NOX4: variants seen among roughly 807,000 people sequenced by gnomAD.
The protein encoded by NOX4 is kidney oxidase-1.
NOX4 carries 69 observed loss-of-function variants against 87.6 expected under a neutral mutation model. That is an observed-to-expected ratio of 0.79 (90% CI 0.65 to 0.96). The LOEUF (loss-of-function observed/expected upper bound fraction) is 0.96. NOX4 is among the 40% of genes least tolerant of loss of function. NOX4 has a pLI of 0.00. For synonymous variants in NOX4, 275 were observed against 238.2 expected (o/e 1.15, Z -1.42); for missense variants, 680 against 681.5 (o/e 1.00, Z 0.02).
intron 11 of NOX4, among the ~76,000 whole-genome samples, chr11:89,399,735 G>C (rs1941713523): frequency 6.6e-6 from 1 of 151,430 alleles, no homozygotes; most frequent in Non-Finnish European, 1.5e-5. Flanking sequence ...AAAGTGCTGG[G>C]ATTACAGGCC....
intron 6 of NOX4, among the ~76,000 whole-genome samples, chr11:89,434,896 G>A (rs972454355): frequency 1.3e-5 from 2 of 152,020 alleles, no homozygotes; most frequent in African/African-American, 4.8e-5. Context: ...ATGATTCCTT[G>A]TATATAACAT....
At chr11:89,445,425 G>A (rs1006525160) in intron 4 of NOX4, among the ~76,000 whole-genome samples, 1 of 152,006 alleles carries the variant, frequency 6.6e-6, no homozygotes, top group Non-Finnish European at 1.5e-5. Flanking sequence ...GATTTATAAG[G>A]TCCTTCAAGT....
At chr11:89,461,193 G>T (rs1200728673) in intron 2 of NOX4, among the ~76,000 whole-genome samples, 1 of 151,922 alleles carries the variant, frequency 6.6e-6, no homozygotes, top group Non-Finnish European at 1.5e-5. Flanking sequence ...AGCATTAGGA[G>T]ATATACCTAA....
intron 14 of NOX4, 87 bp from the exon 15 acceptor site, chr11:89,340,258 T>C (rs531273612): frequency 1.2e-6 from 1 of 845,104 alleles, no homozygotes; most frequent in African/African-American, 1.7e-5. Flanking sequence ...TTCCTTTTCA[T>C]TAGTAAGCAA....
chr11:89,565,645 T>G, the NOX4 span, among the ~76,000 whole-genome samples: 1 of 151,936 alleles, frequency 6.6e-6, no homozygotes, highest in African/African-American at 2.4e-5. Flanking sequence ...ATAAGAAAAA[T>G]TTTTGCACCA....
intron 15 of NOX4, among the ~76,000 whole-genome samples, chr11:89,338,026 G>A (rs568568813): frequency 4.5e-4 from 68 of 151,918 alleles, no homozygotes; most frequent in African/African-American, 1.6e-3. Flanking sequence ...AAAAATGCAC[G>A]AGGCAAAAAT....
chr11:89,429,118 A>T (rs979368867), intron 7 of NOX4, among the ~76,000 whole-genome samples: 1 of 152,242 alleles, frequency 6.6e-6, no homozygotes, highest in Non-Finnish European at 1.5e-5. Flanking sequence ...TACTGGGTAC[A>T]TAACAAAATG....
At chr11:89,469,819 C>T (rs970897185) in intron 2 of NOX4, among the ~76,000 whole-genome samples, 1 of 152,124 alleles carries the variant, frequency 6.6e-6, no homozygotes, top group Non-Finnish European at 1.5e-5. Context: ...TAAATCTTGA[C>T]AAAGGCTTCT....
the NOX4 span, among the ~76,000 whole-genome samples, chr11:89,517,435 C>T: frequency 2.6e-5 from 4 of 151,922 alleles, no homozygotes; most frequent in African/African-American, 4.8e-5. Context: ...GCACCCTGTA[C>T]CCTTTGTTAA....
chr11:89,475,212 C>G (rs940571132), intron 2 of NOX4, among the ~76,000 whole-genome samples: 7 of 151,806 alleles, frequency 4.6e-5, no homozygotes, highest in African/African-American at 1.5e-4. Context: ...GGACATGCAC[C>G]AAAATGTTAA....
the NOX4 span, among the ~76,000 whole-genome samples, chr11:89,508,734 T>C: frequency 3.7e-4 from 56 of 152,188 alleles, 1 homozygote; most frequent in African/African-American, 1.3e-3. Flanking sequence ...CTGTTCTCAA[T>C]GCTGTGTTAC....
the NOX4 span, among the ~76,000 whole-genome samples, chr11:89,505,687 T>A: frequency 6.6e-6 from 1 of 151,816 alleles, no homozygotes; most frequent in Non-Finnish European, 1.5e-5. Context: ...AAAACAGGAA[T>A]CTTAGAGCTG....
the NOX4 span, among the ~76,000 whole-genome samples, chr11:89,572,272 T>C: frequency 6.6e-6 from 1 of 152,256 alleles, no homozygotes; most frequent in Non-Finnish European, 1.5e-5. Context: ...CAACCTCATA[T>C]TCAGATCTGC....
chr11:89,347,556 G>A (rs1946270845), intron 13 of NOX4, among the ~76,000 whole-genome samples: 1 of 152,170 alleles, frequency 6.6e-6, no homozygotes. Flanking sequence ...ATCATCATTT[G>A]TAATACAGAA....
At chr11:89,467,019 G>C (rs1181538694) in intron 2 of NOX4, among the ~76,000 whole-genome samples, 5 of 152,052 alleles carry the variant, frequency 3.3e-5, no homozygotes, top group Non-Finnish European at 7.4e-5. Context: ...GAAGCTAATT[G>C]GGGGGAGCTC....
the NOX4 span, among the ~76,000 whole-genome samples, chr11:89,510,016 A>G: frequency 6.6e-6 from 1 of 152,058 alleles, no homozygotes; most frequent in Admixed American, 6.6e-5. Flanking sequence ...GGAGTGGTAA[A>G]TAGATGACTT....
chr11:89,506,245 G>GAC, the NOX4 span, among the ~76,000 whole-genome samples: 1 of 130,206 alleles, frequency 7.7e-6, no homozygotes, highest in Non-Finnish European at 1.7e-5. Flanking sequence ...AAGAGAGAGA[G>GAC]AGAAAGAAAA....
At chr11:89,396,511 G>C (rs1325676664) in intron 11 of NOX4, among the ~76,000 whole-genome samples, 1 of 152,016 alleles carries the variant, frequency 6.6e-6, no homozygotes, top group Non-Finnish European at 1.5e-5. Context: ...CCAATTAAGA[G>C]ACACAGACTG....
chr11:89,391,590 T>C (rs1941127162), intron 11 of NOX4, among the ~76,000 whole-genome samples: 1 of 151,750 alleles, frequency 6.6e-6, no homozygotes, highest in Admixed American at 6.6e-5. Flanking sequence ...GCCCTATCTC[T>C]ACACAATTTT....
Sources: gnomAD v4.1 joint callset for allele counts (sites outside exome capture counted in the v4.1 genomes callset) on GRCh38, gnomAD v4.1.1 for gene constraint, MANE v1.5 for transcripts, NCBI Gene and HGNC (gene_info 2026-07-23, HGNC 2026-07-21) for gene names.